Variants in ARHGEF3 observed in about 807,000 individuals in gnomAD.
ARHGEF3 encodes the protein 59.8 kDA protein.
A neutral mutation model predicts 63.2 loss-of-function variants in ARHGEF3; 28 were observed. That is an observed-to-expected ratio of 0.44 (90% CI 0.33 to 0.61). ARHGEF3 has a LOEUF of 0.61. Among genes scored for constraint, ARHGEF3 ranks in the 20% least tolerant of loss-of-function variants. The probability of loss-of-function intolerance (pLI) is 0.03; values close to 1 mark genes in which losing one functional copy is unlikely to be tolerated. For missense variants in ARHGEF3, 533 were observed against 659.3 expected (o/e 0.81, Z 2.10); for synonymous variants, 266 against 254.2 (o/e 1.05, Z -0.44).
chr3:57,070,531 A>G (rs1705827815), intron 1 of ARHGEF3, among the ~76,000 whole-genome samples: 1 of 152,204 alleles, frequency 6.6e-6, no homozygotes, highest in Non-Finnish European at 1.5e-5. Context: ...TAATATTGTT[A>G]AGATGGCAAA....
chr3:56,792,677 T>C (rs370691462), intron 1 of ARHGEF3, among the ~76,000 whole-genome samples: 1 of 152,342 alleles, frequency 6.6e-6, no homozygotes, highest in African/African-American at 2.4e-5. Context: ...ATACAAAGCA[T>C]GGCTATTATT....
At chr3:56,836,914 G>T (rs1444357498) in intron 4 of ARHGEF3, among the ~76,000 whole-genome samples, 1 of 152,062 alleles carries the variant, frequency 6.6e-6, no homozygotes, top group Non-Finnish European at 1.5e-5. Flanking sequence ...GTAACAGAGT[G>T]AGACCCTGTC....
intron 2 of ARHGEF3, among the ~76,000 whole-genome samples, chr3:57,013,543 T>C (rs145644310): frequency 1.3e-5 from 2 of 152,256 alleles, no homozygotes; most frequent in African/African-American, 2.4e-5. Flanking sequence ...GGTTTATAAA[T>C]GCACCAATCA....
intron 3 of ARHGEF3, among the ~76,000 whole-genome samples, chr3:56,891,898 G>A (rs1395799533): frequency 6.6e-6 from 1 of 152,162 alleles, no homozygotes; most frequent in Non-Finnish European, 1.5e-5. Flanking sequence ...TTAATTTGAC[G>A]TTGGCAAACT....
At chr3:56,858,580 G>T (rs993408700) in intron 4 of ARHGEF3, among the ~76,000 whole-genome samples, 21 of 152,178 alleles carry the variant, frequency 1.4e-4, no homozygotes, top group South Asian at 2.1e-4. Context: ...ACAACAGATG[G>T]TTTAGATAGT....
chr3:56,859,635 C>G (rs62249820), intron 4 of ARHGEF3, among the ~76,000 whole-genome samples: 9,659 of 150,860 alleles, frequency 0.064, 426 homozygotes, highest in Middle Eastern at 0.15. Flanking sequence ...CAGGCTAAAG[C>G]GATTCTCCCA....
intron 3 of ARHGEF3, among the ~76,000 whole-genome samples, chr3:56,897,800 C>T (rs1229142396): frequency 6.6e-6 from 1 of 152,078 alleles, no homozygotes; most frequent in Non-Finnish European, 1.5e-5. Context: ...CTCTTGACCT[C>T]GTGATCTGCC....
intron 3 of ARHGEF3, among the ~76,000 whole-genome samples, chr3:56,958,319 A>ATTT (rs532097300): frequency 2.3e-5 from 3 of 133,290 alleles, no homozygotes; most frequent in Non-Finnish European, 3.2e-5. Context: ...GGCCACTTGA[A>ATTT]TTTTTTTTTT....
At chr3:57,037,905 A>AAAAT (rs1704029544) in intron 1 of ARHGEF3, among the ~76,000 whole-genome samples, 2 of 151,384 alleles carry the variant, frequency 1.3e-5, no homozygotes, top group African/African-American at 4.9e-5. Context: ...ACAAAACAAA[A>AAAAT]CCCATCACCC....
chr3:56,954,518 C>T lies in ARHGEF3; in HGVS notation c.129+4305G>A, dbSNP rs537665976. The stretch of plus-strand genomic sequence containing the variant: ...TCCTCCCATTCTGTGAGGTTTTCTC[C>T]TACTGTTCCTTCCATGTCCACTCCA... On this transcript the variant is annotated intron_variant, in intron 3 of 12. Coordinates refer to the ARHGEF3 transcript ENST00000338458. Among the ~76,000 whole-genome samples the T allele has an allele frequency of 3.9e-5, 6 of 152,280 alleles. No individual in the cohort carries two copies. The East Asian group carries it at 1.2e-3, about 29-fold the overall frequency.
chr3:56,829,205 C>T (rs1455916483), intron 4 of ARHGEF3, among the ~76,000 whole-genome samples: 2 of 152,166 alleles, frequency 1.3e-5, no homozygotes, highest in Non-Finnish European at 1.5e-5. Context: ...GGATTACAGG[C>T]ATGAGCCACC....
chr3:56,896,787 G>A (rs981504919), intron 3 of ARHGEF3, among the ~76,000 whole-genome samples: 3 of 152,154 alleles, frequency 2.0e-5, no homozygotes, highest in Non-Finnish European at 4.4e-5. Flanking sequence ...TTCATGTGGT[G>A]TATTTTTCAC....
At chr3:56,974,235 G>C (rs1222314250) in intron 2 of ARHGEF3, among the ~76,000 whole-genome samples, 1 of 152,128 alleles carries the variant, frequency 6.6e-6, no homozygotes, top group Admixed American at 6.6e-5. Flanking sequence ...AAATGGTACA[G>C]GCCAATGGGA....
intron 3 of ARHGEF3, among the ~76,000 whole-genome samples, chr3:56,915,690 T>A (rs2041969611): frequency 6.6e-6 from 1 of 152,096 alleles, no homozygotes; most frequent in Non-Finnish European, 1.5e-5. Context: ...AGTCTGAGTC[T>A]CCACTGATAA....
At chr3:56,996,505 A>G (rs1579049096) in intron 2 of ARHGEF3, among the ~76,000 whole-genome samples, 1 of 152,194 alleles carries the variant, frequency 6.6e-6, no homozygotes, top group African/African-American at 2.4e-5. Context: ...AAGGCCCCAG[A>G]GAGCTTCTTT....
chr3:56,996,999 A>G (rs1465376189), intron 2 of ARHGEF3, among the ~76,000 whole-genome samples: 1 of 151,228 alleles, frequency 6.6e-6, no homozygotes, highest in Admixed American at 6.6e-5. Context: ...TGGCTCAGGG[A>G]AGCCAAAAGA....
chr3:57,042,234 G>A (rs958302191), intron 1 of ARHGEF3, among the ~76,000 whole-genome samples: 1 of 151,978 alleles, frequency 6.6e-6, no homozygotes, highest in African/African-American at 2.4e-5. Context: ...ACTGTCCATC[G>A]ATAAGGCACT....
At chr3:56,821,459 T>G (rs1326968204) in intron 4 of ARHGEF3, among the ~76,000 whole-genome samples, 4 of 152,214 alleles carry the variant, frequency 2.6e-5, no homozygotes, top group African/African-American at 7.2e-5. Context: ...GGGTACAGTT[T>G]CTCCAGATAT....
chr3:56,862,357 G>A (rs7630738), intron 4 of ARHGEF3, among the ~76,000 whole-genome samples: 89,306 of 152,040 alleles, frequency 0.59, 26,610 homozygotes, highest in East Asian at 0.77. Context: ...TTTTAAAAGG[G>A]TGGGGAAATA....
Sources: gnomAD v4.1 joint callset for allele counts (sites outside exome capture counted in the v4.1 genomes callset) on GRCh38, gnomAD v4.1.1 for gene constraint, MANE v1.5 for transcripts, NCBI Gene and HGNC (gene_info 2026-07-23, HGNC 2026-07-21) for gene names.